CAMK2D: variants seen among roughly 807,000 people sequenced by gnomAD.
CAMK2D encodes the protein calcium/calmodulin-dependent protein kinase type II subunit delta.
Under a neutral mutation model 84.0 loss-of-function variants are expected in CAMK2D, and 37 were observed. That is an observed-to-expected ratio of 0.44 (90% confidence interval 0.34 to 0.58). The LOEUF (loss-of-function observed/expected upper bound fraction) is 0.58, where lower values mean the gene tolerates loss of function less well. Among genes scored for constraint, CAMK2D ranks in the 20% least tolerant of loss-of-function variants. The probability of loss-of-function intolerance (pLI) is 0.02; values close to 1 mark genes in which losing one functional copy is unlikely to be tolerated. For synonymous variants in CAMK2D, 202 were observed against 212.5 expected, an observed-to-expected ratio of 0.95 and a Z score of 0.43; for missense variants, 448 against 652.5, an observed-to-expected ratio of 0.69 and a Z score of 3.41.
intron 4 of CAMK2D, among the ~76,000 whole-genome samples, chr4:113,558,695 T>C (rs2098682811): frequency 2.0e-5 from 3 of 152,168 alleles, no homozygotes; most frequent in South Asian, 2.1e-4. Context: ...TGTATATATA[T>C]ATGTAATTTC....
chr4:113,653,482 T>C (rs2099184568), intron 3 of CAMK2D, among the ~76,000 whole-genome samples: 1 of 152,046 alleles, frequency 6.6e-6, no homozygotes, highest in African/African-American at 2.4e-5. Flanking sequence ...CTTACTCTTG[T>C]TTGATTACAA....
At chr4:113,457,626 A>C in intron 18 of CAMK2D, 63 bp from the exon 19 acceptor site, 2 of 1,269,536 alleles carry the variant, frequency 1.6e-6, no homozygotes, top group Non-Finnish European at 2.3e-6. Context: ...AAAACCAGTA[A>C]TAACTTCAGT....
At chr4:113,461,896 G>T (rs112868855) in intron 17 of CAMK2D, among the ~76,000 whole-genome samples, 5,031 of 152,248 alleles carry the variant, frequency 0.033, 256 homozygotes, top group African/African-American at 0.11. Flanking sequence ...ACGTGGAACC[G>T]GTGTTATTTA....
rs192856924 is a variant in CAMK2D at position 113,553,282 on chromosome 4, C to T, written c.276-1186G>A. Among the ~76,000 whole-genome samples the T allele has an allele frequency of 7.9e-5, 12 of 152,282 alleles. No individual in the cohort carries two copies. The East Asian group carries it at 2.3e-3, about 29-fold the overall frequency. ...CAGGCCATCCACTCCACAGCTCATG[C>T]CCTCAACCACTCCACAGTGCAGATT... On this transcript the variant is annotated intron_variant, in intron 4 of 20. Transcript: ENST00000511664.
chr4:113,591,197 G>A (rs1406268061), intron 4 of CAMK2D, among the ~76,000 whole-genome samples: 5 of 151,222 alleles, frequency 3.3e-5, no homozygotes, highest in Non-Finnish European at 7.4e-5. Context: ...AAAAAAAAAA[G>A]GGAATAAGTA....
At chr4:113,727,101 G>A (rs1281492556) in intron 2 of CAMK2D, among the ~76,000 whole-genome samples, 1 of 152,150 alleles carries the variant, frequency 6.6e-6, no homozygotes, top group African/African-American at 2.4e-5. Flanking sequence ...TGAAATAAAT[G>A]AGAGATAATG....
At chr4:113,494,237 T>C (rs1287873412) in intron 16 of CAMK2D, among the ~76,000 whole-genome samples, 1 of 152,208 alleles carries the variant, frequency 6.6e-6, no homozygotes, top group African/African-American at 2.4e-5. Flanking sequence ...AGTTTCCAGT[T>C]TTTCTTTTCT....
Position 113,457,572 on chromosome 4 carries a change from G to C in CAMK2D, c.1307-9C>G. 6.2e-7 allele frequency: 1 copy of C among 1,606,180 alleles called. No individual in the cohort carries two copies. The highest frequency in any genetic ancestry group is 8.5e-7 in the Non-Finnish European group (1 of 1,175,128). ...ATTGCTTTTGGACAAAGCTGAAAGA[G>C]AAAAACATGAAAAGCAAAATTTAGT... On this transcript the variant is annotated splice_polypyrimidine_tract_variant and intron_variant, in intron 18 of 20. Coordinates refer to ENST00000511664, the MANE Select transcript of CAMK2D (RefSeq NM_001321571.2).
intron 2 of CAMK2D, among the ~76,000 whole-genome samples, chr4:113,719,905 A>G (rs1288616950): frequency 6.6e-6 from 1 of 152,174 alleles, no homozygotes; most frequent in East Asian, 1.9e-4. Context: ...ACTGATAAGA[A>G]GCTGGAAAGA....
intron 2 of CAMK2D, among the ~76,000 whole-genome samples, chr4:113,749,433 G>C (rs1177048911): frequency 6.6e-6 from 1 of 151,898 alleles, no homozygotes; most frequent in Non-Finnish European, 1.5e-5. Flanking sequence ...GAAACAGCTG[G>C]CCTCTAACTG....
rs1400988077 is a variant in CAMK2D at position 113,556,210 on chromosome 4, C to A, written c.276-4114G>T. The stretch of plus-strand genomic sequence containing the variant: ...ACTAGTGCTATTTCTGTTTTATAGA[C>A]AAGGAAATGAAAGTAATGGAGATTA... On this transcript the variant is annotated intron_variant, in intron 4 of 20. Coordinates refer to ENST00000511664, the MANE Select transcript of CAMK2D (RefSeq NM_001321571.2). Among the ~76,000 whole-genome samples, 15 of 152,096 alleles carry A rather than the reference C, an allele frequency of 9.9e-5. 1 individual carries two copies. The highest frequency in any genetic ancestry group is 9.8e-4 in the Admixed American group (15 of 15,274).
At chr4:113,472,460 GT>G (rs1021182948) in intron 16 of CAMK2D, among the ~76,000 whole-genome samples, 54 of 152,284 alleles carry the variant, frequency 3.5e-4, no homozygotes, top group African/African-American at 1.3e-3. Flanking sequence ...TAAAAGTTTA[GT>G]AAGATAAACC....
chr4:113,685,961 G>A (rs111780884), intron 2 of CAMK2D, among the ~76,000 whole-genome samples: 10,758 of 152,116 alleles, frequency 0.071, 486 homozygotes, highest in African/African-American at 0.13. Flanking sequence ...CTACTCGGGA[G>A]GCTGAGGCAT....
intron 3 of CAMK2D, among the ~76,000 whole-genome samples, chr4:113,645,100 T>C (rs2099146312): frequency 1.3e-5 from 2 of 152,106 alleles, no homozygotes; most frequent in South Asian, 4.2e-4. Context: ...CACTACAAGC[T>C]CCACCTCCCG....
At chr4:113,757,980 T>C (rs2099632405) in intron 2 of CAMK2D, among the ~76,000 whole-genome samples, 2 of 152,072 alleles carry the variant, frequency 1.3e-5, no homozygotes, top group Admixed American at 1.3e-4. Context: ...TTGTAATGCT[T>C]TCAAAAGAAA....
chr4:113,526,905 C>CTT (rs34934229), intron 8 of CAMK2D, among the ~76,000 whole-genome samples: 1 of 137,056 alleles, frequency 7.3e-6, no homozygotes, highest in East Asian at 2.2e-4. Context: ...TTTTACTGTG[C>CTT]TTTTTTTTTT....
intron 4 of CAMK2D, among the ~76,000 whole-genome samples, chr4:113,598,937 G>A (rs1256535677): frequency 2.0e-5 from 3 of 151,918 alleles, no homozygotes; most frequent in Admixed American, 2.0e-4. Context: ...GAAGTGCTAG[G>A]AATATACAAA....
intron 2 of CAMK2D, among the ~76,000 whole-genome samples, chr4:113,678,264 T>C (rs72895915): frequency 0.071 from 10,798 of 152,166 alleles, 489 homozygotes; most frequent in African/African-American, 0.13. Context: ...GAGAGCTCTT[T>C]AGCAGGCTCT....
Position 113,660,512 on chromosome 4 carries a change from C to G in CAMK2D, c.220+1201G>C, listed in dbSNP as rs2099224844. ...TCAAGCAATCCTCCCACCTTAGCCT[C>G]TCTAGTACCTGGGACCATACATGCA... On this transcript the variant is annotated intron_variant, in intron 3 of 20. Transcript: ENST00000511664. Among the ~76,000 whole-genome samples the G allele has an allele frequency of 2.0e-5, 3 of 152,226 alleles. 1 individual carries two copies. Among genetic ancestry groups the G allele is most frequent in the Middle Eastern group, 3.4e-3 (1 of 294 alleles).
Sources: allele counts gnomAD v4.1 joint callset (sites outside exome capture counted in the v4.1 genomes callset), GRCh38; gene constraint gnomAD v4.1.1; transcripts MANE v1.5; gene names NCBI Gene and HGNC (gene_info 2026-07-23, HGNC 2026-07-21).